Variants in GSE1 observed in about 807,000 individuals in gnomAD.
GSE1 encodes the protein genetic suppressor element 1.
A neutral mutation model predicts 112.6 loss-of-function variants in GSE1; 32 were observed. The ratio of observed to expected loss-of-function variants is 0.28; its 90% CI spans 0.21 to 0.38. The LOEUF (loss-of-function observed/expected upper bound fraction) is 0.38. GSE1 is among the 10% of genes least tolerant of loss of function. GSE1 has a pLI of 1.00. For missense variants in GSE1, 2,348 were observed against 1,699.2 expected (o/e 1.38, Z -6.71); for synonymous variants, 1,115 against 735.6 (o/e 1.52, Z -8.35).
chr16:85,614,464 T>G (rs1274211213), intron 1 of GSE1, among the ~76,000 whole-genome samples: 1 of 151,982 alleles, frequency 6.6e-6, no homozygotes, highest in Non-Finnish European at 1.5e-5. Context: ...GGGGGGCACT[T>G]AGAAATGTGC....
rs375370402 is a variant in GSE1, at chr16:85,648,615, C to T, written c.290C>T (p.Ala97Val). Reference sequence around the variant, plus strand: ...CCGGCCACCAACCACAGCTCCCCCGCCAGCACACCCAAGCGCGTGCCCATG... The same window carrying T: ...CCGGCCACCAACCACAGCTCCCCCGTCAGCACACCCAAGCGCGTGCCCATG... The part of the protein sequence containing the change: ...SSPATNHSSP[A>V]STPKRVPMGP... The change falls in exon 3 of 16, where the codon GCC becomes GTC. Residue 97 changes from alanine to valine, a missense_variant. Transcript: ENST00000253458. 5.0e-5 allele frequency: 80 copies of T among 1,606,864 alleles called. 3 individuals carry two copies. The East Asian group carries it at 9.4e-4, about 19-fold the overall frequency.
intron 15 of GSE1, among the ~76,000 whole-genome samples, chr16:85,671,439 CAA>C (rs1159665909): frequency 8.2e-5 from 5 of 61,298 alleles, no homozygotes; most frequent in African/African-American, 1.3e-4. Flanking sequence ...GACTCCGTCT[CAA>C]AAAAAAAAAA....
Position 85,656,407 on chromosome 16 carries a change from G to A in GSE1, c.1054G>A (p.Glu352Lys), listed in dbSNP as rs748008925. The change falls in exon 7 of 16, where the codon GAG becomes AAG. Residue 352 changes from glutamate (E) to lysine (K), a missense_variant. Transcript: ENST00000253458. ...CGAGCGCGAGCGCGAGCGTGAGCGT[G>A]AGGCTGACCGCGAGCGGGAGAAGGA... ...ERERERERER[E>K]ADREREKERE... is the part of the protein sequence containing the mutation. The A allele has an allele frequency of 2.5e-6, 4 of 1,583,540 alleles. No individual in the cohort carries two copies. In the African/African-American group the frequency reaches 5.5e-5, roughly 22 times the overall value.
chr16:85,345,059 C>T (rs1453552295), intron 1 of GSE1, among the ~76,000 whole-genome samples: 2 of 152,160 alleles, frequency 1.3e-5, no homozygotes, highest in Non-Finnish European at 1.5e-5. Flanking sequence ...TAGGAGTCGG[C>T]GTACACCGTG....
At chr16:85,464,034 C>T (rs1597831556) in intron 2 of GSE1, among the ~76,000 whole-genome samples, 1 of 152,182 alleles carries the variant, frequency 6.6e-6, no homozygotes, top group African/African-American at 2.4e-5. Context: ...GGCCCCTTAC[C>T]TGCGGGCCTT....
At chr16:85,428,805 T>C (rs2049051531) in intron 2 of GSE1, among the ~76,000 whole-genome samples, 1 of 152,160 alleles carries the variant, frequency 6.6e-6, no homozygotes, top group African/African-American at 2.4e-5. Context: ...TGGGGGATCC[T>C]TGGCAGTTAG....
chr16:85,659,383 GCA>G (rs1056340451), intron 8 of GSE1: 5 of 152,266 alleles, frequency 3.3e-5, no homozygotes, highest in Non-Finnish European at 7.3e-5. Flanking sequence ...AGATAGCCAG[GCA>G]CAGTGACACA....
intron 1 of GSE1, among the ~76,000 whole-genome samples, chr16:85,203,442 G>T (rs913859734): frequency 6.6e-6 from 1 of 152,170 alleles, no homozygotes; most frequent in Non-Finnish European, 1.5e-5. Flanking sequence ...CGTGGGACAC[G>T]GCCTGCCCCT....
intron 1 of GSE1, among the ~76,000 whole-genome samples, chr16:85,560,150 T>TTTTTTTTTTTA (rs1179259849): frequency 6.9e-6 from 1 of 145,126 alleles, no homozygotes; most frequent in African/African-American, 2.6e-5. Context: ...TTTTTTTTTT[T>TTTTTTTTTTTA]ATGTGAGACG....
chr16:85,208,189 G>A (rs540072780), intron 1 of GSE1, among the ~76,000 whole-genome samples: 10 of 152,280 alleles, frequency 6.6e-5, no homozygotes, highest in African/African-American at 2.4e-4. Context: ...AGTTTCCCTG[G>A]TGTCCAGGCC....
chr16:85,337,630 A>G (rs1003113245), intron 1 of GSE1, among the ~76,000 whole-genome samples: 1 of 152,068 alleles, frequency 6.6e-6, no homozygotes, highest in Non-Finnish European at 1.5e-5. Context: ...AAGCAGGGAA[A>G]CCGGGGACCT....
chr16:85,613,090 G>GC, upstream of GSE1: 1 of 732,808 alleles, frequency 1.4e-6, no homozygotes, highest in Non-Finnish European at 1.9e-6. Flanking sequence ...GGATCCGGGC[G>GC]CCCGTCGGTG....
rs183517762 is a variant in GSE1, at chr16:85,623,375, T to C, written c.7+9977T>C. Among the ~76,000 whole-genome samples, 69 of 152,280 alleles carry C rather than the reference T, an allele frequency of 4.5e-4. 1 individual carries two copies. Among genetic ancestry groups the C allele is most frequent in the African/African-American group, 1.6e-3 (67 of 41,568 alleles). ...ATTATAGGCGTGAGCCACTGTTCAC[T>C]GACCCTCTTGTCCAATCATTTGCAC... On this transcript the variant is annotated intron_variant, in intron 1 of 15. Coordinates refer to ENST00000253458, the MANE Select transcript of GSE1 (RefSeq NM_014615.5).
rs1367873972 is a variant in GSE1 at position 85,673,960 on chromosome 16, T to C, written c.*1421T>C. ...CTGAACCCCTCCTTTTTGAACTTACTGTGACAAGCACAGGAACGGTCAGAA... is the reference window on the plus strand; with the variant it reads ...CTGAACCCCTCCTTTTTGAACTTACCGTGACAAGCACAGGAACGGTCAGAA... On this transcript the variant is annotated 3_prime_UTR_variant, in exon 16 of 16. Transcript: ENST00000253458. The C allele has an allele frequency of 6.6e-6, 1 of 152,276 alleles. No individual in the cohort carries two copies. Among genetic ancestry groups the C allele is most frequent in the Non-Finnish European group, 1.5e-5 (1 of 68,056 alleles). The allele number at this position is 152,276 out of a possible 1,614,324, so 9.4% of individuals were successfully genotyped here.
intron 2 of GSE1, among the ~76,000 whole-genome samples, chr16:85,470,887 GA>G (rs575819622): frequency 6.6e-6 from 1 of 152,156 alleles, no homozygotes; most frequent in African/African-American, 2.4e-5. Context: ...AACAGAACCT[GA>G]AAAAAATACA....
At chr16:85,411,171 A>T (rs58952498) in intron 2 of GSE1, among the ~76,000 whole-genome samples, 284 of 50,008 alleles carry the variant, frequency 5.7e-3, no homozygotes, top group African/African-American at 0.014. Flanking sequence ...TCACTGTTAC[A>T]CTCAGGCCCC....
intron 1 of GSE1, among the ~76,000 whole-genome samples, chr16:85,623,086 C>T (rs769170685): frequency 3.9e-5 from 6 of 152,160 alleles, no homozygotes; most frequent in Non-Finnish European, 7.3e-5. Context: ...AGAAACTGGG[C>T]ACCTTCTCGT....
chr16:85,633,084 G>A (rs1248064206), intron 1 of GSE1, among the ~76,000 whole-genome samples: 3 of 152,216 alleles, frequency 2.0e-5, no homozygotes, highest in African/African-American at 7.2e-5. Context: ...AGGTCGGCCT[G>A]AACTTGGCCC....
chr16:85,413,856 C>T (rs1358106986), intron 2 of GSE1, among the ~76,000 whole-genome samples: 2 of 152,100 alleles, frequency 1.3e-5, no homozygotes, highest in Admixed American at 1.3e-4. Context: ...GGGTGGTTTT[C>T]CTTGTACTGT....
Sources: gnomAD v4.1 joint callset for allele counts (sites outside exome capture counted in the v4.1 genomes callset) on GRCh38, gnomAD v4.1.1 for gene constraint, MANE v1.5 for transcripts, NCBI Gene and HGNC (gene_info 2026-07-23, HGNC 2026-07-21) for gene names.